The following KLRG1 variants were observed in gnomAD, a reference collection of about 807,000 sequenced individuals.
KLRG1 encodes the protein killer cell lectin-like receptor subfamily G member 1.
KLRG1 carries 16 observed loss-of-function variants against 21.8 expected under a neutral mutation model. The ratio of observed to expected loss-of-function variants is 0.73; its 90% CI spans 0.50 to 1.11. The LOEUF is 1.11. KLRG1 is among the 50% of genes most tolerant of loss of function. The pLI is 0.00. For missense variants in KLRG1, 173 were observed against 218.3 expected, an observed-to-expected ratio of 0.79 and a Z score of 1.31; for synonymous variants, 69 against 75.9, an observed-to-expected ratio of 0.91 and a Z score of 0.47.
At chr12:9,069,775 G>A in the KLRG1 span, 1 of 1,612,910 alleles carries the variant, frequency 6.2e-7, no homozygotes, top group Non-Finnish European at 8.5e-7. Context: ...CATGGTTGCT[G>A]CTGACTTCTG....
the KLRG1 span, among the ~76,000 whole-genome samples, chr12:9,148,132 G>T: frequency 1.3e-5 from 2 of 152,188 alleles, no homozygotes; most frequent in African/African-American, 4.8e-5. Context: ...AAAAAATTGT[G>T]TATATTTACC....
the KLRG1 span, chr12:9,072,295 G>C: frequency 6.4e-7 from 1 of 1,571,926 alleles, no homozygotes; most frequent in Non-Finnish European, 8.7e-7. Context: ...TACTTAAAGA[G>C]GAGTTCCCGA....
At chr12:9,197,274 C>G in the KLRG1 span, 1 of 552,868 alleles carries the variant, frequency 1.8e-6, no homozygotes, top group African/African-American at 2.0e-5. Flanking sequence ...AAATGTCTCC[C>G]TCAAAAATAT....
chr12:9,113,237 G>A, the KLRG1 span: 8 of 949,044 alleles, frequency 8.4e-6, no homozygotes, highest in Non-Finnish European at 1.1e-5. Flanking sequence ...TACTTAGTTT[G>A]CTACATTTGG....
At chr12:9,093,919 CA>C in the KLRG1 span, among the ~76,000 whole-genome samples, 6 of 146,058 alleles carry the variant, frequency 4.1e-5, no homozygotes, top group South Asian at 2.2e-4. Context: ...AAACAAACAA[CA>C]AAAAAAAACA....
At chr12:8,955,774 G>A (rs1375847225) in intron 1 of KLRG1, among the ~76,000 whole-genome samples, 1 of 151,978 alleles carries the variant, frequency 6.6e-6, no homozygotes, top group Admixed American at 6.6e-5. Flanking sequence ...ACTGATAGTG[G>A]TGGGAAGCAG....
At chr12:9,084,224 A>G in the KLRG1 span, among the ~76,000 whole-genome samples, 3 of 152,158 alleles carry the variant, frequency 2.0e-5, no homozygotes, top group Admixed American at 2.0e-4. Context: ...AAGGCCCCTA[A>G]TTAATAATAC....
At chr12:9,026,862 C>G in the KLRG1 span, among the ~76,000 whole-genome samples, 6 of 151,760 alleles carry the variant, frequency 4.0e-5, no homozygotes, top group South Asian at 1.2e-3. Flanking sequence ...GTGTGTGTGT[C>G]TGTGTATTTT....
At chr12:9,116,931 A>T in the KLRG1 span, among the ~76,000 whole-genome samples, 1 of 152,190 alleles carries the variant, frequency 6.6e-6, no homozygotes, top group Non-Finnish European at 1.5e-5. Flanking sequence ...TATAAAATAC[A>T]GTAGCCAAAC....
chr12:8,953,540 C>G (rs1946240039), intron 1 of KLRG1, among the ~76,000 whole-genome samples: 1 of 152,132 alleles, frequency 6.6e-6, no homozygotes, highest in Non-Finnish European at 1.5e-5. Flanking sequence ...GGCTTTCAGG[C>G]TTTAAACTGT....
chr12:9,149,838 T>C, the KLRG1 span, among the ~76,000 whole-genome samples: 1 of 152,238 alleles, frequency 6.6e-6, no homozygotes, highest in East Asian at 1.9e-4. Flanking sequence ...TTTTAAATTC[T>C]TGGGAAGATG....
intron 1 of KLRG1, among the ~76,000 whole-genome samples, chr12:8,978,940 C>T (rs1258174858): frequency 2.6e-5 from 4 of 151,880 alleles, no homozygotes; most frequent in Admixed American, 2.6e-4. Context: ...GTCTTGAACT[C>T]CTGACCTCAA....
At chr12:9,107,928 G>A in the KLRG1 span, among the ~76,000 whole-genome samples, 2 of 148,868 alleles carry the variant, frequency 1.3e-5, no homozygotes, top group African/African-American at 2.5e-5. Flanking sequence ...ACTTAAACCC[G>A]TTCTTAAAAG....
At chr12:9,192,769 A>G in the KLRG1 span, 3 of 1,471,906 alleles carry the variant, frequency 2.0e-6, no homozygotes, top group East Asian at 6.8e-5. Flanking sequence ...AAGAAAGAAT[A>G]CTGTCTTGAA....
At chr12:9,154,993 C>T in the KLRG1 span, among the ~76,000 whole-genome samples, 1 of 152,206 alleles carries the variant, frequency 6.6e-6, no homozygotes, top group African/African-American at 2.4e-5. Context: ...CACTAACTCA[C>T]ACTTCTATGC....
the KLRG1 span, among the ~76,000 whole-genome samples, chr12:9,018,369 CAAA>C: frequency 1.3e-5 from 2 of 151,998 alleles, no homozygotes; most frequent in Non-Finnish European, 2.9e-5. Context: ...TACCTGATTT[CAAA>C]TTATATTACA....
the KLRG1 span, chr12:9,036,816 G>C: frequency 4.0e-5 from 17 of 420,942 alleles, no homozygotes; most frequent in African/African-American, 3.6e-4. Context: ...CTTTGGTTAC[G>C]AGGGCTGGCT....
the KLRG1 span, among the ~76,000 whole-genome samples, chr12:9,096,860 A>T: frequency 6.6e-6 from 1 of 152,212 alleles, no homozygotes; most frequent in East Asian, 1.9e-4. Context: ...TTATCTTTCC[A>T]GTAGCTCACT....
the KLRG1 span, among the ~76,000 whole-genome samples, chr12:9,075,554 T>C: frequency 6.6e-6 from 1 of 152,242 alleles, no homozygotes; most frequent in African/African-American, 2.4e-5. Context: ...CACATACTTG[T>C]ATAGGGGTCT....
Sources: allele counts gnomAD v4.1 joint callset (sites outside exome capture counted in the v4.1 genomes callset), GRCh38; gene constraint gnomAD v4.1.1; transcripts MANE v1.5; gene names NCBI Gene and HGNC (gene_info 2026-07-23, HGNC 2026-07-21).